GPR137C: variants seen among roughly 807,000 people sequenced by gnomAD.
The protein encoded by GPR137C is G protein-coupled receptor 137C.
GPR137C carries 27 observed loss-of-function variants against 43.4 expected under a neutral mutation model. The ratio of observed to expected loss-of-function variants is 0.62; its 90% CI spans 0.46 to 0.86. GPR137C has a LOEUF of 0.86. Among genes scored for constraint, GPR137C ranks in the 40% least tolerant of loss-of-function variants. GPR137C has a pLI of 0.00. For missense variants in GPR137C, 522 were observed against 534.6 expected (o/e 0.98, Z 0.23); for synonymous variants, 285 against 226.9 (o/e 1.26, Z -2.30).
chr14:52,575,719 T>A (rs568935921), intron 1 of GPR137C, among the ~76,000 whole-genome samples: 203 of 152,278 alleles, frequency 1.3e-3, no homozygotes, highest in African/African-American at 4.8e-3. Flanking sequence ...AAAACCAGGA[T>A]CCCTATGAGC....
intron 1 of GPR137C, among the ~76,000 whole-genome samples, chr14:52,564,622 A>G (rs2038338265): frequency 1.3e-5 from 2 of 152,096 alleles, no homozygotes; most frequent in Admixed American, 1.3e-4. Flanking sequence ...CTAGTAGAGG[A>G]GCATTATGCT....
intron 3 of GPR137C, among the ~76,000 whole-genome samples, chr14:52,602,331 C>G (rs569166637): frequency 5.9e-5 from 9 of 151,674 alleles, no homozygotes; most frequent in African/African-American, 2.2e-4. Context: ...GTCCCTCTCT[C>G]TCTCTCTCCC....
In GPR137C at chr14:52,553,130, C is replaced by A; in HGVS notation, c.-18C>A. The A allele has an allele frequency of 8.6e-7, 1 of 1,162,364 alleles. No homozygotes were observed. The highest frequency in any genetic ancestry group is 4.2e-5 in the South Asian group (1 of 23,558). 72.0% of individuals were successfully genotyped at this position (1,162,364 alleles called of 1,614,324 possible). A position where few individuals can be genotyped will look rare whatever the true frequency, so the allele number is the denominator to read the frequency against. ...CCCCTTCCTTCCCGCGCTCGCTCGCCCGGCCCCCAGCCCCCTCATGAGGGT... is the reference window on the plus strand; with the variant it reads ...CCCCTTCCTTCCCGCGCTCGCTCGCACGGCCCCCAGCCCCCTCATGAGGGT... On this transcript the variant is annotated 5_prime_UTR_variant, in exon 1 of 7. Transcript: ENST00000321662.
chr14:52,612,531 A>T, intron 3 of GPR137C: 1 of 981,510 alleles, frequency 1.0e-6, no homozygotes, highest in Non-Finnish European at 1.2e-6. Context: ...TTTACAGAGC[A>T]CTCACGTATC....
chr14:52,601,454 C>T (rs531030935), intron 3 of GPR137C, among the ~76,000 whole-genome samples: 2 of 150,292 alleles, frequency 1.3e-5, no homozygotes, highest in East Asian at 3.9e-4. Context: ...AAATATATTT[C>T]AGTGGAATGC....
intron 3 of GPR137C, among the ~76,000 whole-genome samples, chr14:52,617,633 T>C (rs2139562336): frequency 6.6e-6 from 1 of 152,248 alleles, no homozygotes; most frequent in African/African-American, 2.4e-5. Flanking sequence ...GAGCCGAGAT[T>C]GTACCACCGC....
At chr14:52,598,166 C>A (rs925914739) in intron 1 of GPR137C, 106 bp from the exon 2 acceptor site, 1 of 450,866 alleles carries the variant, frequency 2.2e-6, no homozygotes, top group Middle Eastern at 3.2e-4. Flanking sequence ...ACTTTGCGTG[C>A]TATATGTTAT....
At chr14:52,619,339 A>G (rs914683075) in intron 3 of GPR137C, among the ~76,000 whole-genome samples, 5 of 152,182 alleles carry the variant, frequency 3.3e-5, no homozygotes, top group African/African-American at 1.2e-4. Context: ...TGATGGTAGA[A>G]AAATACAGAC....
chr14:52,624,746 A>G (rs2139572927), intron 3 of GPR137C, among the ~76,000 whole-genome samples: 1 of 151,982 alleles, frequency 6.6e-6, no homozygotes. Flanking sequence ...AACTGAAATA[A>G]TAAAGATAAA....
intron 3 of GPR137C, among the ~76,000 whole-genome samples, chr14:52,614,683 C>G (rs528534166): frequency 6.3e-4 from 95 of 151,974 alleles, no homozygotes; most frequent in Admixed American, 1.9e-3. Flanking sequence ...GACGGGGTCT[C>G]GCTATGTTAC....
intron 3 of GPR137C, among the ~76,000 whole-genome samples, chr14:52,615,165 T>G (rs759166367): frequency 3.2e-4 from 49 of 152,232 alleles, no homozygotes; most frequent in Admixed American, 3.3e-4. Flanking sequence ...TTCATTCTTC[T>G]GCATATGTAT....
chr14:52,556,796 T>G (rs79432096), intron 1 of GPR137C, among the ~76,000 whole-genome samples: 2,481 of 152,218 alleles, frequency 0.016, 67 homozygotes, highest in African/African-American at 0.056. Flanking sequence ...ATTTTTTTTT[T>G]TAATGAGAGT....
intron 1 of GPR137C, chr14:52,596,926 A>G (rs1464726572): frequency 2.2e-6 from 1 of 454,014 alleles, no homozygotes; most frequent in East Asian, 6.9e-5. Context: ...GGTGCTGCAG[A>G]CTGGAGCTGT....
At chr14:52,587,446 T>C (rs955101873) in intron 1 of GPR137C, among the ~76,000 whole-genome samples, 1 of 152,182 alleles carries the variant, frequency 6.6e-6, no homozygotes, top group Non-Finnish European at 1.5e-5. Context: ...GATATAAAAT[T>C]GAACCACCTA....
intron 1 of GPR137C, among the ~76,000 whole-genome samples, chr14:52,575,225 A>G (rs553431060): frequency 2.8e-4 from 43 of 152,202 alleles, no homozygotes; most frequent in Admixed American, 6.5e-4. Flanking sequence ...TGAAAATTTT[A>G]GTTATTTATA....
intron 3 of GPR137C, among the ~76,000 whole-genome samples, chr14:52,620,272 C>T (rs965865130): frequency 1.3e-5 from 2 of 151,848 alleles, no homozygotes; most frequent in Admixed American, 1.3e-4. Flanking sequence ...TAGAAGAAGA[C>T]CCATACTCTT....
At chr14:52,609,976 A>G (rs1297930580) in intron 3 of GPR137C, among the ~76,000 whole-genome samples, 1 of 152,144 alleles carries the variant, frequency 6.6e-6, no homozygotes, top group Non-Finnish European at 1.5e-5. Context: ...TCACCGCAAA[A>G]CATACACTAA....
Position 52,635,511 on chromosome 14 carries a change from G to A in GPR137C, c.*396G>A, listed in dbSNP as rs751009879. 3.0e-5 allele frequency: 5 copies of A among 165,288 alleles called. No individual in the cohort carries two copies. Among genetic ancestry groups the A allele is most frequent in the East Asian group, 1.9e-4 (1 of 5,344 alleles). 10.2% of individuals were successfully genotyped at this position (165,288 alleles called of 1,614,324 possible). A position where few individuals can be genotyped will look rare whatever the true frequency, so the allele number is the denominator to read the frequency against. The stretch of plus-strand genomic sequence containing the variant: ...CAATTTTCCTATGAAAATCAAAGCC[G>A]GTATATTCATTGGTATGCTCTATAC... On this transcript the variant is annotated 3_prime_UTR_variant, in exon 7 of 7. Coordinates refer to ENST00000321662, the MANE Select transcript of GPR137C (RefSeq NM_001099652.2).
At chr14:52,604,201 T>C (rs987377916) in intron 3 of GPR137C, among the ~76,000 whole-genome samples, 3 of 152,180 alleles carry the variant, frequency 2.0e-5, no homozygotes, top group Non-Finnish European at 1.5e-5. Flanking sequence ...TTACTCCCAT[T>C]CTATAGGTTG....
Sources: gnomAD v4.1 joint callset for allele counts (sites outside exome capture counted in the v4.1 genomes callset) on GRCh38, gnomAD v4.1.1 for gene constraint, MANE v1.5 for transcripts, NCBI Gene and HGNC (gene_info 2026-07-23, HGNC 2026-07-21) for gene names.